The following SLC8A1 variants were observed in gnomAD, a reference collection of about 807,000 sequenced individuals.
SLC8A1 encodes the protein sodium/calcium exchanger 1.
In SLC8A1, 18 loss-of-function variants were observed where a neutral mutation model predicts 68.3. The ratio of observed to expected loss-of-function variants is 0.26; its 90% CI spans 0.18 to 0.39. SLC8A1 has a LOEUF of 0.39. Among genes scored for constraint, SLC8A1 ranks in the 10% least tolerant of loss-of-function variants. The probability of loss-of-function intolerance (pLI) is 1.00; values close to 1 mark genes in which losing one functional copy is unlikely to be tolerated. For synonymous variants in SLC8A1, 475 were observed against 415.5 expected, an observed-to-expected ratio of 1.14 and a Z score of -1.74; for missense variants, 985 against 1,156.7, an observed-to-expected ratio of 0.85 and a Z score of 2.15.
chr2:40,249,473 A>G (rs909876598), intron 2 of SLC8A1, among the ~76,000 whole-genome samples: 1 of 152,200 alleles, frequency 6.6e-6, no homozygotes, highest in African/African-American at 2.4e-5. Flanking sequence ...TAATATTTTC[A>G]TAACCCTTAG....
chr2:40,231,493 ACT>A (rs1055895366), intron 2 of SLC8A1, among the ~76,000 whole-genome samples: 6 of 151,136 alleles, frequency 4.0e-5, no homozygotes, highest in African/African-American at 1.5e-4. Context: ...CACTTTTCAC[ACT>A]CTTTTTTTTA....
At chr2:40,386,284 A>C (rs1271457041) in intron 2 of SLC8A1, among the ~76,000 whole-genome samples, 2 of 151,278 alleles carry the variant, frequency 1.3e-5, no homozygotes, top group African/African-American at 4.9e-5. Flanking sequence ...TATTTTCCAG[A>C]ATTTTATAAT....
intron 2 of SLC8A1, among the ~76,000 whole-genome samples, chr2:40,290,938 A>C (rs2069194481): frequency 6.6e-6 from 1 of 152,174 alleles, no homozygotes; most frequent in Non-Finnish European, 1.5e-5. Flanking sequence ...ACTTTGATGA[A>C]AAGGTTTATG....
chr2:40,402,564 C>T (rs150925775), intron 2 of SLC8A1, among the ~76,000 whole-genome samples: 20 of 152,284 alleles, frequency 1.3e-4, no homozygotes, highest in African/African-American at 4.1e-4. Context: ...GACCCCTTTC[C>T]AGTAACACAA....
At chr2:40,119,243 G>T (rs2036228592) in intron 7 of SLC8A1, among the ~76,000 whole-genome samples, 1 of 151,922 alleles carries the variant, frequency 6.6e-6, no homozygotes, top group Non-Finnish European at 1.5e-5. Flanking sequence ...AGTAAAACAT[G>T]TTTTTGGCTA....
chr2:40,348,800 G>A (rs1575596075), intron 2 of SLC8A1, among the ~76,000 whole-genome samples: 1 of 152,174 alleles, frequency 6.6e-6, no homozygotes, highest in Non-Finnish European at 1.5e-5. Flanking sequence ...CAGTCTGGAG[G>A]AAAGAAGTGG....
chr2:40,245,583 A>G lies in SLC8A1; in HGVS notation c.1809-67728T>C, dbSNP rs547377245. 2.6e-5 allele frequency among the ~76,000 whole-genome samples: 4 copies of G among 152,240 alleles called. No homozygotes were observed. In the East Asian group the frequency reaches 7.7e-4, roughly 29 times the overall value. On this transcript the variant is annotated intron_variant, in intron 2 of 7. Transcript: ENST00000406785. ...CTGCTTTGAAAATAACTAGTAATAT[A>G]CAAGATCCACTTGAACCACTGAATT...
chr2:40,447,561 C>A, intron 1 of SLC8A1, among the ~76,000 whole-genome samples: 1 of 146,222 alleles, frequency 6.8e-6, no homozygotes, highest in Non-Finnish European at 1.5e-5. Flanking sequence ...CTTTGTCTGC[C>A]AGTTGACCTG....
intron 7 of SLC8A1, among the ~76,000 whole-genome samples, chr2:40,132,598 G>A (rs929722491): frequency 6.6e-6 from 1 of 151,912 alleles, no homozygotes; most frequent in South Asian, 2.1e-4. Context: ...GAATATCTTA[G>A]TTTTGAGAGT....
At chr2:40,309,468 T>C (rs1009731724) in intron 2 of SLC8A1, among the ~76,000 whole-genome samples, 13 of 152,152 alleles carry the variant, frequency 8.5e-5, no homozygotes, top group African/African-American at 3.1e-4. Flanking sequence ...AAGCAGGTCA[T>C]ATTGTGTAAA....
chr2:40,115,138 T>A lies in SLC8A1; in HGVS notation c.*115A>T, dbSNP rs531789156. 17 of 762,044 alleles carry A rather than the reference T, an allele frequency of 2.2e-5. No homozygotes were observed. In the Admixed American group the frequency reaches 6.2e-4, roughly 28 times the overall value. 47.2% of individuals were successfully genotyped at this position (762,044 alleles called of 1,614,324 possible). ...CTAGTACAGAGTATGCTCTTGAAGC[T>A]GGATTCCATCAGCAGGTAAGTGAAC... On this transcript the variant is annotated 3_prime_UTR_variant, in exon 8 of 8. Transcript: ENST00000406785.
chr2:40,253,023 GTATATACATATGTATCAGT>G (rs2063135184), intron 2 of SLC8A1, among the ~76,000 whole-genome samples: 2 of 102,548 alleles, frequency 2.0e-5, no homozygotes, highest in South Asian at 2.7e-4. Context: ...CTGTATATAT[GTATATACATATGTATCAGT>G]ATATGTATAT....
chr2:40,430,347 G>A, intron 1 of SLC8A1, 43 bp from the exon 2 acceptor site: 1 of 1,517,150 alleles, frequency 6.6e-7, no homozygotes, highest in Non-Finnish European at 8.8e-7. Flanking sequence ...AAAAAGTCAT[G>A]TCATTAGAGC....
chr2:40,186,823 T>G (rs1181447837), intron 2 of SLC8A1, among the ~76,000 whole-genome samples: 3 of 152,226 alleles, frequency 2.0e-5, no homozygotes, highest in Non-Finnish European at 4.4e-5. Context: ...TTCACAGTGA[T>G]TATGATGTTC....
At chr2:40,508,688 G>A (rs1466850532) in intron 1 of SLC8A1, among the ~76,000 whole-genome samples, 1 of 152,110 alleles carries the variant, frequency 6.6e-6, no homozygotes, top group Non-Finnish European at 1.5e-5. Flanking sequence ...GATTCTGTTA[G>A]CAAAGAATAT....
chr2:40,204,322 AG>A (rs1470246678), intron 2 of SLC8A1, among the ~76,000 whole-genome samples: 1 of 152,078 alleles, frequency 6.6e-6, no homozygotes, highest in Non-Finnish European at 1.5e-5. Context: ...GCCCCTTAAG[AG>A]CATTTTAATT....
intron 1 of SLC8A1, among the ~76,000 whole-genome samples, chr2:40,493,049 T>A (rs561016052): frequency 6.6e-6 from 1 of 152,304 alleles, no homozygotes; most frequent in African/African-American, 2.4e-5. Flanking sequence ...TGAACACTCA[T>A]GTTTATTGTG....
At chr2:40,114,697 T>G (rs1420256753) in exon 8 of SLC8A1, 1 of 152,528 alleles carries the variant, frequency 6.6e-6, no homozygotes, top group African/African-American at 2.4e-5. Context: ...AAGCATGAAC[T>G]TTGGTAATAC....
At chr2:40,181,914 G>T (rs1037932431) in intron 2 of SLC8A1, among the ~76,000 whole-genome samples, 2 of 152,220 alleles carry the variant, frequency 1.3e-5, no homozygotes, top group Non-Finnish European at 2.9e-5. Context: ...GTATGGGGTT[G>T]GTTTGGTGAA....
Sources: allele counts gnomAD v4.1 joint callset (sites outside exome capture counted in the v4.1 genomes callset), GRCh38; gene constraint gnomAD v4.1.1; transcripts MANE v1.5; gene names NCBI Gene and HGNC (gene_info 2026-07-23, HGNC 2026-07-21).